The following PHKB variants were observed in gnomAD, a reference collection of about 807,000 sequenced individuals.
PHKB encodes phosphorylase b kinase regulatory subunit beta.
In PHKB, 122 loss-of-function variants were observed where a neutral mutation model predicts 152.1. That is an observed-to-expected ratio of 0.80 (90% CI 0.69 to 0.93). The LOEUF (loss-of-function observed/expected upper bound fraction) is 0.93. Among genes scored for constraint, PHKB ranks in the 40% least tolerant of loss-of-function variants. PHKB has a pLI of 0.00. For missense variants in PHKB, 1,304 were observed against 1,328.4 expected (o/e 0.98, Z 0.29); for synonymous variants, 436 against 464.9 (o/e 0.94, Z 0.80).
intron 7 of PHKB, among the ~76,000 whole-genome samples, chr16:47,575,814 T>C (rs926167347): frequency 3.9e-5 from 6 of 152,204 alleles, no homozygotes; most frequent in African/African-American, 1.4e-4. Flanking sequence ...TGGTGGCTAA[T>C]GCCTGTAATC....
intron 14 of PHKB, among the ~76,000 whole-genome samples, chr16:47,631,463 C>G (rs1356272663): frequency 6.6e-6 from 1 of 152,102 alleles, no homozygotes; most frequent in Non-Finnish European, 1.5e-5. Flanking sequence ...CAAATGTAAG[C>G]AAGAACATAA....
intron 14 of PHKB, among the ~76,000 whole-genome samples, chr16:47,636,460 G>A (rs1165106014): frequency 1.3e-5 from 2 of 152,204 alleles, no homozygotes; most frequent in Non-Finnish European, 2.9e-5. Flanking sequence ...CCCAGCCGCA[G>A]CTCCAGACCC....
intron 10 of PHKB, 105 bp downstream of exon 10, chr16:47,589,207 A>C (rs943320476): frequency 3.8e-6 from 3 of 789,782 alleles, no homozygotes; most frequent in Non-Finnish European, 4.1e-6. Context: ...CTTACTAGCT[A>C]TGTGGCCCTG....
chr16:47,549,538 T>A (rs1304406931), intron 7 of PHKB, among the ~76,000 whole-genome samples: 3 of 151,722 alleles, frequency 2.0e-5, no homozygotes, highest in Non-Finnish European at 4.4e-5. Flanking sequence ...TAAAAAAAAA[T>A]ACAAAAATTA....
intron 7 of PHKB, among the ~76,000 whole-genome samples, chr16:47,558,585 T>A (rs1971422432): frequency 6.6e-6 from 1 of 152,240 alleles, no homozygotes; most frequent in Non-Finnish European, 1.5e-5. Flanking sequence ...AGTCTCACTC[T>A]GTTGCTCTGG....
intron 26 of PHKB, among the ~76,000 whole-genome samples, chr16:47,683,517 T>C (rs1025457905): frequency 2.0e-5 from 3 of 152,300 alleles, no homozygotes; most frequent in South Asian, 2.1e-4. Context: ...CTCAGACTGC[T>C]GTGCTAGCAA....
intron 16 of PHKB, 24 bp downstream of exon 16, chr16:47,641,716 T>G (rs377639414): frequency 2.9e-4 from 374 of 1,274,972 alleles, no homozygotes; most frequent in Non-Finnish European, 4.1e-4. Flanking sequence ...CCTTTTACTT[T>G]CCTTACTTTG....
At chr16:47,496,591 G>A (rs1191689335) in intron 1 of PHKB, among the ~76,000 whole-genome samples, 1 of 152,188 alleles carries the variant, frequency 6.6e-6, no homozygotes, top group Non-Finnish European at 1.5e-5. Context: ...ACCTTGAGAT[G>A]TTTATAATTT....
At chr16:47,561,968 G>A (rs1442162087) in intron 7 of PHKB, 2 of 152,162 alleles carry the variant, frequency 1.3e-5, no homozygotes, top group Non-Finnish European at 2.9e-5. Flanking sequence ...TATCCAGAGA[G>A]GGGTGGGTAT....
At chr16:47,648,493 A>T (rs749138158) in intron 16 of PHKB, 40 bp from the exon 17 acceptor site, 1 of 1,318,578 alleles carries the variant, frequency 7.6e-7, no homozygotes, top group Non-Finnish European at 1.1e-6. Context: ...AGTGACATGG[A>T]TTCTTACCTG....
chr16:47,682,849 G>C (rs890754923), intron 26 of PHKB, among the ~76,000 whole-genome samples: 23 of 152,184 alleles, frequency 1.5e-4, no homozygotes, highest in South Asian at 4.1e-4. Flanking sequence ...CTGCTTTTTA[G>C]AGTTTCCAGT....
chr16:47,693,617 T>C (rs1045393912), intron 28 of PHKB, 110 bp downstream of exon 28: 1 of 1,210,686 alleles, frequency 8.3e-7, no homozygotes, highest in African/African-American at 1.5e-5. Context: ...CTAAGAGTAT[T>C]TTCAAAGAAG....
chr16:47,635,193 A>G (rs1193975788), intron 14 of PHKB, among the ~76,000 whole-genome samples: 3 of 152,168 alleles, frequency 2.0e-5, no homozygotes, highest in Non-Finnish European at 2.9e-5. Flanking sequence ...AGTATACTAT[A>G]ATGGATAAGT....
At chr16:47,671,996 G>A (rs1406393671) in intron 26 of PHKB, among the ~76,000 whole-genome samples, 1 of 152,094 alleles carries the variant, frequency 6.6e-6, no homozygotes, top group Non-Finnish European at 1.5e-5. Flanking sequence ...ATGTATGTGT[G>A]CAAAAGTATC....
At chr16:47,679,600 T>C (rs1973808470) in intron 26 of PHKB, among the ~76,000 whole-genome samples, 1 of 152,224 alleles carries the variant, frequency 6.6e-6, no homozygotes, top group African/African-American at 2.4e-5. Flanking sequence ...AGAATGCTTG[T>C]GATTTTGCAC....
chr16:47,513,615 G>A (rs1357452805), intron 5 of PHKB, among the ~76,000 whole-genome samples: 1 of 152,090 alleles, frequency 6.6e-6, no homozygotes. Flanking sequence ...AAGCCTCCAG[G>A]GCACCAATAA....
In PHKB at chr16:47,610,867, C is replaced by G. The variant is rs182398740; in HGVS notation, c.1405C>G (p.Arg469Gly). 5.6e-6 allele frequency: 9 copies of G among 1,608,298 alleles called. No homozygotes were observed. The East Asian group carries it at 2.0e-4, about 36-fold the overall frequency. Residue 469 changes from arginine (R) to glycine (G), a missense_variant, in exon 14 of 31, where the codon CGC becomes GGC. Transcript: ENST00000323584. Reference sequence around the variant, plus strand: ...TCCTAAAGACATTGATCCTGTCCAGCGCTATGTCCCACTAAAGGATCAACG... The same window carrying G: ...TCCTAAAGACATTGATCCTGTCCAGGGCTATGTCCCACTAAAGGATCAACG... ...ISPKDIDPVQ[R>G]YVPLKDQRNV...
chr16:47,671,262 T>C (rs1215452719), intron 26 of PHKB, among the ~76,000 whole-genome samples: 1 of 152,198 alleles, frequency 6.6e-6, no homozygotes, highest in Non-Finnish European at 1.5e-5. Flanking sequence ...TATAATTTTG[T>C]ATGTATTATG....
chr16:47,625,003 T>C (rs1021784577), intron 14 of PHKB, among the ~76,000 whole-genome samples: 1 of 152,210 alleles, frequency 6.6e-6, no homozygotes, highest in East Asian at 1.9e-4. Context: ...ATAGAATTAA[T>C]CTTTGATTCC....
Sources: gnomAD v4.1 joint callset for allele counts (sites outside exome capture counted in the v4.1 genomes callset) on GRCh38, gnomAD v4.1.1 for gene constraint, MANE v1.5 for transcripts, NCBI Gene and HGNC (gene_info 2026-07-23, HGNC 2026-07-21) for gene names.